The following CCDC178 variants were observed in gnomAD, a reference collection of about 807,000 sequenced individuals.
CCDC178 encodes the protein coiled-coil domain-containing protein 178.
A neutral mutation model predicts 117.4 loss-of-function variants in CCDC178; 126 were observed. That is an observed-to-expected ratio of 1.07 (90% CI 0.93 to 1.24). The LOEUF (loss-of-function observed/expected upper bound fraction) is 1.24. Among genes scored for constraint, CCDC178 ranks in the 50% most tolerant of loss-of-function variants. The pLI is 0.00. For synonymous variants in CCDC178, 283 were observed against 313.4 expected (o/e 0.90, Z 1.02); for missense variants, 1,030 against 986.9 (o/e 1.04, Z -0.59).
At chr18:33,370,000 A>G in intron 6 of CCDC178, 50 bp downstream of exon 6, 6 of 1,452,894 alleles carry the variant, frequency 4.1e-6, no homozygotes, top group African/African-American at 1.5e-5. Flanking sequence ...CAATCCTTAG[A>G]GGGTCGATAA....
chr18:32,978,465 A>C (rs2055072837), intron 21 of CCDC178, among the ~76,000 whole-genome samples: 1 of 152,152 alleles, frequency 6.6e-6, no homozygotes, highest in South Asian at 2.1e-4. Context: ...ATTTTAGGAA[A>C]GTGATTATGA....
intron 20 of CCDC178, among the ~76,000 whole-genome samples, chr18:33,128,950 C>G (rs554595534): frequency 6.6e-6 from 1 of 152,224 alleles, no homozygotes; most frequent in South Asian, 2.1e-4. Flanking sequence ...AACACAACTG[C>G]CGTAAACAAC....
chr18:33,084,200 T>C (rs1196539161), intron 21 of CCDC178, among the ~76,000 whole-genome samples: 1 of 152,366 alleles, frequency 6.6e-6, no homozygotes, highest in South Asian at 2.1e-4. Context: ...ATTTTCTCCA[T>C]AATCCTTTAA....
intron 10 of CCDC178, among the ~76,000 whole-genome samples, 189 bp from the exon 11 acceptor site, chr18:33,323,822 A>T (rs2145011465): frequency 6.6e-6 from 1 of 151,980 alleles, no homozygotes; most frequent in Non-Finnish European, 1.5e-5. Flanking sequence ...TATAAATGTT[A>T]CTGAACAAAA....
chr18:33,163,619 T>A (rs2058492155), intron 20 of CCDC178, among the ~76,000 whole-genome samples: 1 of 152,194 alleles, frequency 6.6e-6, no homozygotes, highest in Admixed American at 6.5e-5. Flanking sequence ...CAGTACCCCC[T>A]TTTTCTAAGA....
intron 20 of CCDC178, among the ~76,000 whole-genome samples, chr18:33,211,510 T>G (rs1001091558): frequency 1.4e-4 from 21 of 151,656 alleles, no homozygotes; most frequent in African/African-American, 4.8e-4. Flanking sequence ...ATATTTTCAT[T>G]CCTCAAAAAA....
At chr18:33,346,817 G>A (rs2144680751) in intron 8 of CCDC178, among the ~76,000 whole-genome samples, 1 of 152,194 alleles carries the variant, frequency 6.6e-6, no homozygotes, top group South Asian at 2.1e-4. Flanking sequence ...AATCATAATG[G>A]TTCCTAGAAA....
intron 11 of CCDC178, among the ~76,000 whole-genome samples, chr18:33,305,206 T>C (rs2062232176): frequency 6.6e-6 from 1 of 152,234 alleles, no homozygotes; most frequent in African/African-American, 2.4e-5. Context: ...GTAACTGGCA[T>C]GTAAGGGTTT....
chr18:33,064,828 G>A (rs2056983578), intron 21 of CCDC178, among the ~76,000 whole-genome samples: 1 of 151,484 alleles, frequency 6.6e-6, no homozygotes, highest in African/African-American at 2.4e-5. Context: ...GTCCAACAAC[G>A]AACAATAAAA....
intron 16 of CCDC178, 78 bp from the exon 17 acceptor site, chr18:33,225,014 G>A (rs547259475): frequency 9.6e-7 from 1 of 1,037,576 alleles, no homozygotes; most frequent in South Asian, 3.0e-5. Context: ...GTGACAGGCA[G>A]TAATATTTGT....
At chr18:33,086,342 T>C (rs899751203) in intron 21 of CCDC178, among the ~76,000 whole-genome samples, 45 of 151,328 alleles carry the variant, frequency 3.0e-4, no homozygotes, top group African/African-American at 8.7e-4. Flanking sequence ...GTAGAGTTTG[T>C]GACATAGTTG....
At chr18:33,187,660 T>C (rs1010122368) in intron 20 of CCDC178, among the ~76,000 whole-genome samples, 3 of 152,146 alleles carry the variant, frequency 2.0e-5, no homozygotes, top group Admixed American at 1.3e-4. Flanking sequence ...CTAAAGATAT[T>C]GGTTTATGGT....
intron 6 of CCDC178, among the ~76,000 whole-genome samples, chr18:33,364,092 C>A (rs1459523073): frequency 6.6e-6 from 1 of 152,028 alleles, no homozygotes; most frequent in East Asian, 1.9e-4. Context: ...TGAGTGAGAC[C>A]ATTTTAATCA....
At chr18:33,163,501 A>G (rs1197258579) in intron 20 of CCDC178, among the ~76,000 whole-genome samples, 2 of 152,142 alleles carry the variant, frequency 1.3e-5, no homozygotes, top group Non-Finnish European at 2.9e-5. Flanking sequence ...TTTCTCATAA[A>G]ATTATTATCT....
chr18:33,439,730 T>C (rs1222859863), intron 2 of CCDC178, among the ~76,000 whole-genome samples: 1 of 152,156 alleles, frequency 6.6e-6, no homozygotes, highest in Non-Finnish European at 1.5e-5. Context: ...TGTATTTGGG[T>C]CAAGATGCCC....
At chr18:33,146,613 T>G (rs2058270985) in intron 20 of CCDC178, among the ~76,000 whole-genome samples, 1 of 152,172 alleles carries the variant, frequency 6.6e-6, no homozygotes, top group African/African-American at 2.4e-5. Context: ...TTCATGCCAC[T>G]GCACTCCAGC....
intron 20 of CCDC178, among the ~76,000 whole-genome samples, chr18:33,197,146 A>C (rs1043865485): frequency 4.0e-5 from 6 of 151,838 alleles, no homozygotes; most frequent in Admixed American, 3.9e-4. Context: ...TCCTGCCTCA[A>C]CCGCCTGAGT....
intron 21 of CCDC178, among the ~76,000 whole-genome samples, chr18:33,084,481 T>C (rs895718738): frequency 1.3e-5 from 2 of 152,106 alleles, no homozygotes; most frequent in Non-Finnish European, 2.9e-5. Context: ...GATCTTTTCA[T>C]TTATATATGT....
At chr18:33,438,855 A>G (rs1171808425) in intron 2 of CCDC178, among the ~76,000 whole-genome samples, 2 of 152,096 alleles carry the variant, frequency 1.3e-5, no homozygotes, top group African/African-American at 2.4e-5. Flanking sequence ...TTAGCAGCCA[A>G]TATTCTCATT....
Sources: gnomAD v4.1 joint callset for allele counts (sites outside exome capture counted in the v4.1 genomes callset) on GRCh38, gnomAD v4.1.1 for gene constraint, MANE v1.5 for transcripts, NCBI Gene and HGNC (gene_info 2026-07-23, HGNC 2026-07-21) for gene names.